The following CMSS1 variants were observed in gnomAD, a reference collection of about 807,000 sequenced individuals.
The protein encoded by CMSS1 is protein CMSS1.
CMSS1 carries 33 observed loss-of-function variants against 43.5 expected under a neutral mutation model. That is an observed-to-expected ratio of 0.76 (90% CI 0.57 to 1.01). The LOEUF is 1.01. Among genes scored for constraint, CMSS1 ranks in the 50% least tolerant of loss-of-function variants. CMSS1 has a pLI of 0.00. For synonymous variants in CMSS1, 115 were observed against 117.2 expected (o/e 0.98, Z 0.12); for missense variants, 313 against 326.4 (o/e 0.96, Z 0.32).
chr3:99,959,468 A>G (rs186352519), intron 1 of CMSS1, among the ~76,000 whole-genome samples: 10 of 152,294 alleles, frequency 6.6e-5, no homozygotes, highest in African/African-American at 2.4e-4. Context: ...CAAACTTTAA[A>G]TATTTTATTT....
chr3:99,926,707 T>G (rs970884984), intron 1 of CMSS1, among the ~76,000 whole-genome samples: 2 of 152,232 alleles, frequency 1.3e-5, no homozygotes, highest in African/African-American at 4.8e-5. Flanking sequence ...CAGTATTTCC[T>G]TGGAGAGCTT....
intron 2 of CMSS1, among the ~76,000 whole-genome samples, chr3:100,148,596 TC>T: frequency 6.6e-6 from 1 of 152,200 alleles, no homozygotes; most frequent in Non-Finnish European, 1.5e-5. Flanking sequence ...AAGTTAAATT[TC>T]CCTGTGACTC....
intron 1 of CMSS1, chr3:99,830,355 A>T (rs1942629697): frequency 2.8e-6 from 1 of 363,330 alleles, no homozygotes; most frequent in African/African-American, 2.1e-5. Context: ...CATAGTGGTA[A>T]TTTTAGCTTT....
At chr3:99,983,483 T>C (rs1206462103) in intron 1 of CMSS1, among the ~76,000 whole-genome samples, 1 of 21,218 alleles carries the variant, frequency 4.7e-5, no homozygotes, top group East Asian at 4.3e-3. Context: ...TATATATATA[T>C]ATATATATAT....
intron 1 of CMSS1, among the ~76,000 whole-genome samples, chr3:100,135,326 A>G (rs17584271): frequency 0.024 from 3,666 of 152,240 alleles, 121 homozygotes; most frequent in Admixed American, 0.083. Flanking sequence ...ATTTAAAACA[A>G]ACTAGAAAGG....
At chr3:100,061,270 T>G (rs2065561182) in intron 1 of CMSS1, among the ~76,000 whole-genome samples, 1 of 152,236 alleles carries the variant, frequency 6.6e-6, no homozygotes, top group Non-Finnish European at 1.5e-5. Context: ...GTTTGTGTAA[T>G]GAGAGGCTCC....
chr3:99,961,284 A>ATTATT (rs1708482580), intron 1 of CMSS1, among the ~76,000 whole-genome samples: 1 of 151,884 alleles, frequency 6.6e-6, no homozygotes, highest in Non-Finnish European at 1.5e-5. Flanking sequence ...TGTGGGTTGG[A>ATTATT]TTATTTTGTT....
chr3:99,873,053 C>T (rs1029272951), intron 1 of CMSS1, among the ~76,000 whole-genome samples: 1 of 151,916 alleles, frequency 6.6e-6, no homozygotes, highest in African/African-American at 2.4e-5. Context: ...AAATGACCAG[C>T]CATAGGAGGT....
chr3:100,059,688 C>T (rs1012498996), intron 1 of CMSS1, among the ~76,000 whole-genome samples: 3 of 152,122 alleles, frequency 2.0e-5, no homozygotes, highest in Non-Finnish European at 4.4e-5. Flanking sequence ...CCCATCATGC[C>T]TGAAGAAGTC....
At chr3:100,135,481 TG>T (rs2066745743) in intron 1 of CMSS1, among the ~76,000 whole-genome samples, 2 of 149,688 alleles carry the variant, frequency 1.3e-5, no homozygotes, top group Non-Finnish European at 3.0e-5. Context: ...TGTGTGTGTG[TG>T]TGTGTGTGTT....
chr3:99,970,507 ACTT>A (rs777840141), intron 1 of CMSS1, among the ~76,000 whole-genome samples: 4 of 152,244 alleles, frequency 2.6e-5, no homozygotes, highest in East Asian at 1.9e-4. Flanking sequence ...CTCCCAAACT[ACTT>A]CTACCTAATT....
intron 1 of CMSS1, among the ~76,000 whole-genome samples, chr3:100,046,426 C>CT (rs77328793): frequency 2.2e-3 from 319 of 143,464 alleles, no homozygotes; most frequent in Admixed American, 3.4e-3. Flanking sequence ...AGTAAACAAC[C>CT]TTTTTTTTTT....
intron 1 of CMSS1, among the ~76,000 whole-genome samples, chr3:99,958,264 G>A (rs1392239310): frequency 2.7e-5 from 4 of 148,846 alleles, no homozygotes; most frequent in African/African-American, 9.8e-5. Flanking sequence ...AAGGTAACAT[G>A]GAGGTTTAGT....
chr3:99,921,287 C>T (rs1707116166), intron 1 of CMSS1, among the ~76,000 whole-genome samples: 1 of 152,126 alleles, frequency 6.6e-6, no homozygotes, highest in Non-Finnish European at 1.5e-5. Context: ...CGTTTATTTA[C>T]CTGAAGTCAT....
At chr3:100,135,491 T>TGTGTGTGTGTG (rs57072092) in intron 1 of CMSS1, among the ~76,000 whole-genome samples, 2 of 121,412 alleles carry the variant, frequency 1.6e-5, no homozygotes, top group Admixed American at 8.3e-5. Flanking sequence ...TGTGTGTGTG[T>TGTGTGTGTGTG]TTAAGAGACA....
At chr3:100,035,653 G>A (rs2065095404) in intron 1 of CMSS1, among the ~76,000 whole-genome samples, 1 of 152,136 alleles carries the variant, frequency 6.6e-6, no homozygotes, top group East Asian at 1.9e-4. Flanking sequence ...TAAAGAAATT[G>A]AACCATAGAA....
At chr3:99,945,088 A>G (rs1707968557) in intron 1 of CMSS1, among the ~76,000 whole-genome samples, 1 of 152,148 alleles carries the variant, frequency 6.6e-6, no homozygotes, top group African/African-American at 2.4e-5. Flanking sequence ...AGGAAAATAC[A>G]CAGAACAAGC....
At chr3:99,843,571 TGA>T (rs529528131) in intron 1 of CMSS1, among the ~76,000 whole-genome samples, 66 of 152,328 alleles carry the variant, frequency 4.3e-4, no homozygotes, top group African/African-American at 1.5e-3. Flanking sequence ...AAACCCACTG[TGA>T]GTTGAAAATA....
chr3:100,111,351 A>G (rs1354967923), intron 1 of CMSS1, among the ~76,000 whole-genome samples: 1 of 152,094 alleles, frequency 6.6e-6, no homozygotes, highest in Non-Finnish European at 1.5e-5. Context: ...TTAAGAGATT[A>G]CTCCATGAGG....
Sources: gnomAD v4.1 joint callset for allele counts (sites outside exome capture counted in the v4.1 genomes callset) on GRCh38, gnomAD v4.1.1 for gene constraint, MANE v1.5 for transcripts, NCBI Gene and HGNC (gene_info 2026-07-23, HGNC 2026-07-21) for gene names.